The following SIK3 variants were observed in gnomAD, a reference collection of about 807,000 sequenced individuals.
SIK3 encodes serine/threonine-protein kinase SIK3.
A neutral mutation model predicts 144.2 loss-of-function variants in SIK3; 28 were observed. The ratio of observed to expected loss-of-function variants is 0.19; its 90% CI spans 0.14 to 0.27. The LOEUF (loss-of-function observed/expected upper bound fraction) is 0.27, where lower values mean the gene tolerates loss of function less well. SIK3 is among the 10% of genes least tolerant of loss of function. The pLI is 1.00. For synonymous variants in SIK3, 686 were observed against 676.3 expected (o/e 1.01, Z -0.22); for missense variants, 1,319 against 1,776.0 (o/e 0.74, Z 4.62).
At chr11:117,044,360 C>T (rs1952866739) in intron 1 of SIK3, among the ~76,000 whole-genome samples, 1 of 152,214 alleles carries the variant, frequency 6.6e-6, no homozygotes, top group South Asian at 2.1e-4. Context: ...CTATACACAG[C>T]AAGGTATAGT....
At chr11:116,981,353 G>A (rs181075560) in intron 1 of SIK3, among the ~76,000 whole-genome samples, 4 of 152,262 alleles carry the variant, frequency 2.6e-5, no homozygotes, top group Admixed American at 1.3e-4. Flanking sequence ...TTTCCACATG[G>A]ATCTCTCCAT....
Position 116,847,479 on chromosome 11 carries a change from C to T in SIK3, c.3949G>A (p.Glu1317Lys), listed in dbSNP as rs780902220. 4 of 1,614,188 alleles carry T rather than the reference C, an allele frequency of 2.5e-6. No individual in the cohort carries two copies. The South Asian group carries it at 3.3e-5, about 13-fold the overall frequency. Residue 1317 changes from glutamate (E) to lysine (K), a missense_variant, in exon 23 of 25, where the codon GAG (glutamate) becomes AAG (lysine). Physicochemically the swap from Glu to Lys is moderately conservative, Grantham distance 56. Around this residue, in one of 8 missense-constraint regions of SIK3, gnomAD observed 646 missense variants for 763.7 expected, o/e 0.85. Coordinates refer to ENST00000445177, the MANE Select transcript of SIK3 (RefSeq NM_001366686.3). ...CCCCATGCATAAGGCTCCTCACCCT[C>T]ATTTTCCCCATCCTGAAACTGCTGG... Reference protein sequence around the residue: ...GSQQFQDGENEECGASLGGHE... With the variant: ...GSQQFQDGENKECGASLGGHE...
chr11:116,882,934 T>C (rs1944619158), intron 6 of SIK3, among the ~76,000 whole-genome samples: 1 of 152,216 alleles, frequency 6.6e-6, no homozygotes, highest in Admixed American at 6.5e-5. Context: ...GGCGATTAAA[T>C]CTCTGAAACA....
chr11:116,865,063 T>C (rs1943557872), intron 15 of SIK3: 1 of 152,158 alleles, frequency 6.6e-6, no homozygotes, highest in African/African-American at 2.4e-5. Context: ...AAAAAACAAA[T>C]GAATTTGGCG....
intron 1 of SIK3, among the ~76,000 whole-genome samples, chr11:116,968,794 A>C (rs553919489): frequency 6.6e-6 from 1 of 152,348 alleles, no homozygotes; most frequent in East Asian, 1.9e-4. Context: ...TCAATTCATT[A>C]AAGTATTGAG....
chr11:117,072,533 C>A (rs1033508670), intron 1 of SIK3, among the ~76,000 whole-genome samples: 4 of 152,158 alleles, frequency 2.6e-5, no homozygotes, highest in Admixed American at 1.3e-4. Flanking sequence ...TATCATCGGG[C>A]AAACCTGGAA....
chr11:116,947,554 T>C (rs1948723658), intron 3 of SIK3, among the ~76,000 whole-genome samples: 1 of 67,670 alleles, frequency 1.5e-5, no homozygotes, highest in Admixed American at 1.6e-4. Flanking sequence ...TATGTATGTA[T>C]GTATGTATGT....
At chr11:117,073,912 T>A (rs1036262320) in intron 1 of SIK3, among the ~76,000 whole-genome samples, 1 of 152,254 alleles carries the variant, frequency 6.6e-6, no homozygotes, top group African/African-American at 2.4e-5. Flanking sequence ...TCTTGTTTTA[T>A]GGTCTTGACC....
intron 16 of SIK3, 111 bp downstream of exon 16, chr11:116,863,557 A>T: frequency 6.7e-7 from 1 of 1,488,096 alleles, no homozygotes; most frequent in African/African-American, 1.4e-5. Flanking sequence ...TAACCTATAA[A>T]ACTGCAATGT....
chr11:117,065,142 C>A (rs1407408368), intron 1 of SIK3, among the ~76,000 whole-genome samples: 1 of 150,780 alleles, frequency 6.6e-6, no homozygotes, highest in African/African-American at 2.4e-5. Flanking sequence ...CAGGGAGACT[C>A]CATCTCAAAA....
intron 4 of SIK3, among the ~76,000 whole-genome samples, chr11:116,902,299 G>GT (rs760812482): frequency 6.6e-6 from 1 of 152,156 alleles, no homozygotes; most frequent in African/African-American, 2.4e-5. Flanking sequence ...AACCACTAAT[G>GT]TTTAGTAACC....
chr11:117,083,234 G>A (rs549666812), intron 1 of SIK3, among the ~76,000 whole-genome samples: 15 of 152,266 alleles, frequency 9.9e-5, no homozygotes, highest in South Asian at 8.3e-4. Flanking sequence ...AAATGAGATC[G>A]GAAGAGGCAG....
At chr11:117,021,939 A>C (rs1043711406) in intron 1 of SIK3, among the ~76,000 whole-genome samples, 5 of 128,014 alleles carry the variant, frequency 3.9e-5, no homozygotes, top group African/African-American at 1.7e-4. Flanking sequence ...AAAAAAAAAA[A>C]AAAAAAAAAA....
intron 1 of SIK3, among the ~76,000 whole-genome samples, chr11:117,083,856 C>T (rs1474735160): frequency 2.0e-5 from 3 of 152,220 alleles, no homozygotes; most frequent in Admixed American, 6.5e-5. Context: ...CCACAGAACA[C>T]TACACTAGCA....
At chr11:117,085,324 C>T (rs918931308) in intron 1 of SIK3, among the ~76,000 whole-genome samples, 4 of 152,112 alleles carry the variant, frequency 2.6e-5, no homozygotes, top group Admixed American at 2.0e-4. Context: ...CTCACTACTA[C>T]CGTGCTGCTC....
At chr11:116,905,259 C>T (rs147505971) in intron 4 of SIK3, among the ~76,000 whole-genome samples, 5 of 152,364 alleles carry the variant, frequency 3.3e-5, no homozygotes, top group African/African-American at 1.2e-4. Context: ...TTTGGAGGTT[C>T]ATCCATGTTG....
At chr11:116,896,415 C>T (rs1478341427) in intron 5 of SIK3, 39 bp from the exon 6 acceptor site, 1 of 1,600,692 alleles carries the variant, frequency 6.2e-7, no homozygotes, top group Non-Finnish European at 8.5e-7. Context: ...TTAATCACAT[C>T]AGGGGAAACA....
At chr11:116,853,013 T>C (rs1942588261) in intron 21 of SIK3, among the ~76,000 whole-genome samples, 1 of 151,976 alleles carries the variant, frequency 6.6e-6, no homozygotes, top group African/African-American at 2.4e-5. Context: ...AAGGAAAAAA[T>C]ACATGACCAG....
intron 6 of SIK3, among the ~76,000 whole-genome samples, 163 bp downstream of exon 6, chr11:116,896,090 T>C (rs528288017): frequency 6.6e-6 from 1 of 152,294 alleles, no homozygotes; most frequent in East Asian, 1.9e-4. Context: ...ACCTATATAC[T>C]GTTTCTACAG....
Sources: allele counts gnomAD v4.1 joint callset (sites outside exome capture counted in the v4.1 genomes callset), GRCh38; gene constraint gnomAD v4.1.1; regional missense constraint gnomAD v4.1.1; transcripts MANE v1.5; gene names NCBI Gene and HGNC (gene_info 2026-07-23, HGNC 2026-07-21).